Variants in PIEZO2 observed in about 807,000 individuals in gnomAD.
The protein encoded by PIEZO2 is piezo type mechanosensitive ion channel component 2.
A neutral mutation model predicts 337.3 loss-of-function variants in PIEZO2; 172 were observed. The ratio of observed to expected loss-of-function variants is 0.51; its 90% CI spans 0.45 to 0.58. The LOEUF is 0.58. PIEZO2 is among the 20% of genes least tolerant of loss of function. PIEZO2 has a pLI of 0.00. For synonymous variants in PIEZO2, 1,251 were observed against 1,228.5 expected, an observed-to-expected ratio of 1.02 and a Z score of -0.38; for missense variants, 3,028 against 3,391.3, an observed-to-expected ratio of 0.89 and a Z score of 2.66.
intron 2 of PIEZO2, among the ~76,000 whole-genome samples, chr18:11,026,686 T>G (rs2036553203): frequency 6.6e-6 from 1 of 152,226 alleles, no homozygotes; most frequent in Admixed American, 6.5e-5. Context: ...TCTGTGAGGC[T>G]TATTCAGCCT....
At position 11,085,917 on chromosome 18, in the gene PIEZO2, C is replaced by A. The variant is rs191990583; in HGVS notation, c.65-19695G>T. On this transcript the variant is annotated intron_variant, in intron 1 of 55. Coordinates refer to ENST00000674853, the MANE Select transcript of PIEZO2 (RefSeq NM_001378183.1). ...GGAGGTAGGGGGTATAATGGAAACC[C>A]TAATGGTACATGTGGTCATCTGAAG... Among the ~76,000 whole-genome samples the A allele has an allele frequency of 1.1e-3, 170 of 151,674 alleles. 1 individual carries two copies. The highest frequency in any genetic ancestry group is 3.9e-3 in the African/African-American group (163 of 41,358).
At chr18:11,091,738 GTGT>G (rs1393258905) in intron 1 of PIEZO2, among the ~76,000 whole-genome samples, 3 of 152,288 alleles carry the variant, frequency 2.0e-5, no homozygotes, top group African/African-American at 4.8e-5. Flanking sequence ...CTTGTTCATA[GTGT>G]TGTTGTTTTT....
At chr18:11,088,955 G>C (rs766100014) in intron 1 of PIEZO2, among the ~76,000 whole-genome samples, 2 of 152,216 alleles carry the variant, frequency 1.3e-5, no homozygotes, top group African/African-American at 2.4e-5. Flanking sequence ...GAATTAGCCA[G>C]GTAACCATGC....
rs2036493775 is a variant in PIEZO2, at chr18:10,725,408, C to T, written c.5029+5999G>A. The stretch of plus-strand genomic sequence containing the variant: ...ACAGCCGGCCCACATTGGCGGTCAA[C>T]CTGACCAGAGCCCGCCAGTACTGGT... On this transcript the variant is annotated intron_variant, in intron 36 of 55. Coordinates refer to ENST00000674853, the MANE Select transcript of PIEZO2 (RefSeq NM_001378183.1). The T allele has an allele frequency of 3.1e-6, 5 of 1,604,762 alleles. 1 individual carries two copies. In the Admixed American group the frequency reaches 6.7e-5, roughly 21 times the overall value.
intron 1 of PIEZO2, among the ~76,000 whole-genome samples, chr18:11,145,413 T>C (rs961393230): frequency 1.3e-5 from 2 of 152,210 alleles, no homozygotes; most frequent in African/African-American, 2.4e-5. Context: ...ATTTTTAACA[T>C]CTATCATTAA....
chr18:11,018,977 G>A (rs936682497), intron 2 of PIEZO2, among the ~76,000 whole-genome samples: 1 of 152,132 alleles, frequency 6.6e-6, no homozygotes, highest in African/African-American at 2.4e-5. Flanking sequence ...GTGTGTGTGT[G>A]AGATCAACCC....
chr18:10,891,950 C>T (rs954232190), intron 4 of PIEZO2, among the ~76,000 whole-genome samples: 2 of 152,128 alleles, frequency 1.3e-5, no homozygotes, highest in African/African-American at 2.4e-5. Context: ...TTTCTTCATG[C>T]AGTTCAAGTG....
At chr18:10,684,088 C>G (rs1352833030) in intron 49 of PIEZO2, among the ~76,000 whole-genome samples, 1 of 51,092 alleles carries the variant, frequency 2.0e-5, no homozygotes, top group East Asian at 6.1e-4. Flanking sequence ...TTCCTTCCTT[C>G]CTTCCTTCTT....
At chr18:10,947,467 G>A (rs2145290780) in intron 3 of PIEZO2, among the ~76,000 whole-genome samples, 1 of 152,180 alleles carries the variant, frequency 6.6e-6, no homozygotes, top group South Asian at 2.1e-4. Flanking sequence ...GTAAAAAGAT[G>A]GGCAAAGATG....
chr18:10,909,854 T>C (rs913665321), intron 4 of PIEZO2, among the ~76,000 whole-genome samples: 15 of 152,182 alleles, frequency 9.9e-5, no homozygotes, highest in East Asian at 3.9e-4. Flanking sequence ...CCACCCCAAA[T>C]CAACTTCCCG....
chr18:10,693,677 T>A (rs964229775), intron 47 of PIEZO2, among the ~76,000 whole-genome samples: 4 of 151,360 alleles, frequency 2.6e-5, no homozygotes, highest in African/African-American at 9.7e-5. Flanking sequence ...AATCCGGATG[T>A]CTTTTATTTT....
At position 10,781,051 on chromosome 18, in the gene PIEZO2, G is replaced by T. The variant is rs2038964474; in HGVS notation, c.2493-685C>A. Among the ~76,000 whole-genome samples the T allele has an allele frequency of 6.6e-6, 1 of 150,782 alleles. No individual in the cohort carries two copies. Among genetic ancestry groups the T allele is most frequent in the African/African-American group, 2.4e-5 (1 of 40,984 alleles). ...TTAAAAAAAAAAAGGATCCTACTCA[G>T]CGGCCATATTCAACATGTTGTTTTC... On this transcript the variant is annotated intron_variant, in intron 17 of 55. Transcript: ENST00000674853. The surrounding 1 kb of genome is among the most constrained non-coding windows in gnomAD (Gnocchi z 4.1).
rs566842860 is a variant in PIEZO2, at chr18:10,825,214, A to T, written c.918-17940T>A. 3.9e-5 allele frequency among the ~76,000 whole-genome samples: 6 copies of T among 152,250 alleles called. No individual in the cohort carries two copies. The South Asian group carries it at 1.2e-3, about 32-fold the overall frequency. ...AATCCCATGCAGAATGCTGCATTAC[A>T]TTTAATCATCATGTCTCTACGGGCA... On this transcript the variant is annotated intron_variant, in intron 7 of 55. Coordinates refer to ENST00000674853, the MANE Select transcript of PIEZO2 (RefSeq NM_001378183.1).
In PIEZO2 at chr18:11,028,617, C is replaced by T. The variant is rs2036623296; in HGVS notation, c.160+37510G>A. On this transcript the variant is annotated intron_variant, in intron 2 of 55. Transcript: ENST00000674853. This position sits in a 1 kb window ranked among gnomAD's most constrained non-coding sequence, Gnocchi z 4.8. ...CTGTCCTTCAGCTTTATCTGAACAC[C>T]CCCATAACAATGTGTGACTAAGTGG... 6.6e-6 allele frequency among the ~76,000 whole-genome samples: 1 copy of T among 152,102 alleles called. No homozygotes were observed. Among genetic ancestry groups the T allele is most frequent in the African/African-American group, 2.4e-5 (1 of 41,416 alleles).
At chr18:11,106,642 C>A (rs1358934164) in intron 1 of PIEZO2, among the ~76,000 whole-genome samples, 1 of 152,096 alleles carries the variant, frequency 6.6e-6, no homozygotes, top group Middle Eastern at 3.4e-3. Flanking sequence ...TCCAACTCTG[C>A]GCTCAAGTGA....
chr18:10,704,434 G>A lies in PIEZO2; in HGVS notation c.6218C>T (p.Pro2073Leu), dbSNP rs541239173. 6.5e-7 allele frequency: 1 copy of A among 1,537,228 alleles called. No homozygotes were observed. Among genetic ancestry groups the A allele is most frequent in the African/African-American group, 1.4e-5 (1 of 73,158 alleles). ...FLWAMLSVPR[P>L]SRRFWMMAIV... ...GGCCATCATCCAGAACCGGCGGCTGGGCCTGGGGACGGACAACATGGCCCA... is the reference window on the plus strand; with the variant it reads ...GGCCATCATCCAGAACCGGCGGCTGAGCCTGGGGACGGACAACATGGCCCA... Residue 2073 changes from proline to leucine, a missense_variant, in exon 42 of 56, where the codon CCC becomes CTC. By Grantham distance (98) the Pro-to-Leu change is moderately conservative. This residue lies in a region of PIEZO2 where 1,925 missense variants were observed against 2,051.9 expected (regional missense o/e 0.94). Coordinates refer to ENST00000674853, the MANE Select transcript of PIEZO2 (RefSeq NM_001378183.1).
chr18:10,875,703 C>T (rs2042251913), intron 4 of PIEZO2, among the ~76,000 whole-genome samples: 1 of 152,228 alleles, frequency 6.6e-6, no homozygotes, highest in Non-Finnish European at 1.5e-5. Context: ...TACACCACAA[C>T]AGACAGAGCA....
Position 10,673,035 on chromosome 18 carries a change from G to T in PIEZO2, c.8162-162C>A, listed in dbSNP as rs150273850. Among the ~76,000 whole-genome samples, 2 of 152,312 alleles carry T rather than the reference G, an allele frequency of 1.3e-5. No homozygotes were observed. Among genetic ancestry groups the T allele is most frequent in the Non-Finnish European group, 2.9e-5 (2 of 68,028 alleles). On this transcript the variant is annotated intron_variant, in intron 54 of 55. Coordinates refer to ENST00000674853, the MANE Select transcript of PIEZO2 (RefSeq NM_001378183.1). The surrounding 1 kb of genome is among the most constrained non-coding windows in gnomAD (Gnocchi z 4.8). Reference sequence around the variant, plus strand: ...TAGAAGCGTGAATGGGCAAGGAAGAGAGGGCCCTGGGTATGTAAGTGATTT... The same window carrying T: ...TAGAAGCGTGAATGGGCAAGGAAGATAGGGCCCTGGGTATGTAAGTGATTT...
In PIEZO2 at chr18:11,028,082, G is replaced by T. The variant is rs2036598731; in HGVS notation, c.160+38045C>A. Among the ~76,000 whole-genome samples, 1 of 152,186 alleles carries T rather than the reference G, an allele frequency of 6.6e-6. No homozygotes were observed. Among genetic ancestry groups the T allele is most frequent in the Non-Finnish European group, 1.5e-5 (1 of 68,032 alleles). ...AGAGGGACAAGCAGTAGCTGCTTCT[G>T]TTGCTAGATCTCAGTTCTCACTTTC... On this transcript the variant is annotated intron_variant, in intron 2 of 55. Transcript: ENST00000674853. This position sits in a 1 kb window ranked among gnomAD's most constrained non-coding sequence, Gnocchi z 4.8.
Sources: gnomAD v4.1 joint callset for allele counts (sites outside exome capture counted in the v4.1 genomes callset) on GRCh38, gnomAD v4.1.1 for gene constraint, gnomAD v4.1.1 regional missense constraint, Gnocchi (gnomAD v3.1) non-coding constraint, MANE v1.5 for transcripts, NCBI Gene and HGNC (gene_info 2026-07-23, HGNC 2026-07-21) for gene names.